Variants in MEAK7 observed in about 807,000 individuals in gnomAD.
The protein encoded by MEAK7 is MTOR associated protein MEAK7, also known as MTOR-associated protein MEAK7.
Under a neutral mutation model 40.5 loss-of-function variants are expected in MEAK7, and 68 were observed. The observed-to-expected ratio is 1.68, with a 90% CI of 1.38 to 2.06. The LOEUF (loss-of-function observed/expected upper bound fraction) is 2.06, where lower values mean the gene tolerates loss of function less well. Among genes scored for constraint, MEAK7 ranks in the 30% most tolerant of loss-of-function variants. The pLI, the probability that MEAK7 is intolerant of heterozygous loss-of-function variation, is 0.00. For synonymous variants in MEAK7, 338 were observed against 231.9 expected (o/e 1.46, Z -4.16); for missense variants, 918 against 580.5 (o/e 1.58, Z -5.98).
At chr16:84,498,536 A>T (rs1349792193) in intron 1 of MEAK7, among the ~76,000 whole-genome samples, 1 of 152,048 alleles carries the variant, frequency 6.6e-6, no homozygotes, top group African/African-American at 2.4e-5. Context: ...CAGCCTCCCA[A>T]AGTGTTGGGA....
intron 2 of MEAK7, among the ~76,000 whole-genome samples, chr16:84,496,227 G>C (rs1446260433): frequency 6.6e-6 from 1 of 152,138 alleles, no homozygotes; most frequent in African/African-American, 2.4e-5. Context: ...AACATCCATG[G>C]TGCCCTGCAT....
intron 3 of MEAK7, among the ~76,000 whole-genome samples, chr16:84,490,876 C>G (rs1913538178): frequency 6.6e-6 from 1 of 152,032 alleles, no homozygotes; most frequent in African/African-American, 2.4e-5. Flanking sequence ...TCTGGGATTC[C>G]TTAAAGAAAA....
chr16:84,489,347 C>A lies in MEAK7; in HGVS notation c.460G>T (p.Glu154Ter). 6.2e-7 allele frequency: 1 copy of A among 1,614,218 alleles called. No individual in the cohort carries two copies. The highest frequency in any genetic ancestry group is 8.5e-7 in the Non-Finnish European group (1 of 1,180,034). The change falls in exon 4 of 8, where the codon GAA becomes TAA. Residue 154 changes from glutamate (E) to a stop codon, truncating the protein, a stop_gained. Coordinates refer to ENST00000343629, the MANE Select transcript of MEAK7 (RefSeq NM_020947.4). LOFTEE classifies it high-confidence loss of function. Reference sequence around the variant, plus strand: ...ACCCGGGGGTTGGGCCCTGGGGCTTCCTTCCCAGTCCAGCCTCTCAGCTCC... The same window carrying A: ...ACCCGGGGGTTGGGCCCTGGGGCTTACTTCCCAGTCCAGCCTCTCAGCTCC... Reference protein sequence around the residue: ...RQELRGWTGKEAPGPNPRVQV... With the variant: ...RQELRGWTGK
rs149675680 is a variant in MEAK7 at position 84,478,558 on chromosome 16, T to G, written c.*1355A>C. ...AAAAGACAAAAGGAAGAGGTATATA[T>G]CTTAGAGACAAGCTCACAGCACCTT... On this transcript the variant is annotated 3_prime_UTR_variant, in exon 8 of 8. Transcript: ENST00000343629. The G allele has an allele frequency of 4.3e-4, 66 of 152,330 alleles. No individual in the cohort carries two copies. Among genetic ancestry groups the G allele is most frequent in the Admixed American group, 9.1e-4 (14 of 15,306 alleles). 9.4% of individuals were successfully genotyped at this position (152,330 alleles called of 1,614,324 possible).
At position 84,477,231 on chromosome 16, in the gene MEAK7, G is replaced by T. The variant is rs1451408336; in HGVS notation, c.*2682C>A. On this transcript the variant is annotated 3_prime_UTR_variant, in exon 8 of 8. Coordinates refer to ENST00000343629, the MANE Select transcript of MEAK7 (RefSeq NM_020947.4). ...CTTGAAACGGAGTTTCACTCTTGTT[G>T]CCCAGGCTAGAGTGCAATGGCACGA... 6.7e-6 allele frequency: 1 copy of T among 149,800 alleles called. No homozygotes were observed. The highest frequency in any genetic ancestry group is 2.1e-4 in the South Asian group (1 of 4,744). 9.3% of individuals were successfully genotyped at this position (149,800 alleles called of 1,614,324 possible).
chr16:84,501,170 G>C (rs1260782603), intron 1 of MEAK7, among the ~76,000 whole-genome samples: 1 of 152,046 alleles, frequency 6.6e-6, no homozygotes, highest in African/African-American at 2.4e-5. Flanking sequence ...GTGGCCTGGG[G>C]GTGTAACAAG....
intron 5 of MEAK7, among the ~76,000 whole-genome samples, chr16:84,485,596 C>A (rs1912963215): frequency 6.6e-6 from 1 of 152,240 alleles, no homozygotes; most frequent in Non-Finnish European, 1.5e-5. Flanking sequence ...GGACAGCCCA[C>A]TGATGGGCGA....
chr16:84,488,459 T>C (rs1913284979), intron 4 of MEAK7: 1 of 152,164 alleles, frequency 6.6e-6, no homozygotes, highest in Admixed American at 6.5e-5. Flanking sequence ...TTTAAATATA[T>C]ACTGCTTCTC....
intron 1 of MEAK7, among the ~76,000 whole-genome samples, 179 bp from the exon 2 acceptor site, chr16:84,498,290 G>C (rs1436068648): frequency 1.3e-5 from 2 of 152,110 alleles, no homozygotes; most frequent in Admixed American, 1.3e-4. Context: ...TGTTGCTGAG[G>C]TGGGATCTCA....
rs575235241 is a variant in MEAK7, at chr16:84,482,806, G to C, written c.959-96C>G. 7.9e-5 allele frequency: 122 copies of C among 1,540,574 alleles called. No homozygotes were observed. The African/African-American group carries it at 1.4e-3, about 17-fold the overall frequency. The stretch of plus-strand genomic sequence containing the variant: ...GTAAGCTGCAGCTCAGGAAGCAACA[G>C]GGCCAAGACCCTTCTCACCCATGTC... On this transcript the variant is annotated intron_variant, in intron 5 of 7. Coordinates refer to ENST00000343629, the MANE Select transcript of MEAK7 (RefSeq NM_020947.4).
rs35489449 is a variant in MEAK7 at position 84,490,654 on chromosome 16, ATGTGTGTGTG to A, written c.385-1242_385-1233del. Among the ~76,000 whole-genome samples, 1,391 of 137,602 alleles carry A rather than the reference ATGTGTGTGTG, an allele frequency of 0.01. 55 individuals carry two copies. The East Asian group carries it at 0.1, about 10-fold the overall frequency. The allele number at this position is 137,602 out of a possible 152,430, so 90.3% of individuals were successfully genotyped here. A position where few individuals can be genotyped will look rare whatever the true frequency, so the allele number is the denominator to read the frequency against. On this transcript the variant is annotated intron_variant, in intron 3 of 7. Coordinates refer to ENST00000343629, the MANE Select transcript of MEAK7 (RefSeq NM_020947.4). ...TCAGCTTAATTAAAAGCTAATCAAG[ATGTGTGTGTG>A]TGTGTGTGTGTGTGTGTGTGTGTGT... is the stretch of plus-strand genomic sequence containing the variant.
At chr16:84,490,344 G>C (rs771361681) in intron 3 of MEAK7, among the ~76,000 whole-genome samples, 2 of 150,384 alleles carry the variant, frequency 1.3e-5, no homozygotes, top group African/African-American at 2.4e-5. Context: ...TGACTGCCTT[G>C]AGGGGCTTTA....
At chr16:84,483,517 G>C (rs951349371) in intron 5 of MEAK7, among the ~76,000 whole-genome samples, 1 of 152,230 alleles carries the variant, frequency 6.6e-6, no homozygotes, top group South Asian at 2.1e-4. Context: ...TTTGGGGTTG[G>C]GCTATTCATC....
In MEAK7 at chr16:84,489,304, T is replaced by C. The variant is rs769113750; in HGVS notation, c.503A>G (p.Gln168Arg). The change falls in exon 4 of 8, where the codon CAG (glutamine) becomes CGG (arginine). Residue 168 changes from glutamine (Q) to arginine (R), a missense_variant. By Grantham distance (43) the Gln-to-Arg change is conservative (BLOSUM62 1). Coordinates refer to ENST00000343629, the MANE Select transcript of MEAK7 (RefSeq NM_020947.4). ...PNPRVQVLAA[Q>R]LLSDMKLQDG... is the part of the protein sequence containing the mutation. ...TTGCAGCTTCATGTCAGAGAGCAGC[T>C]GAGCAGCCAGCACCTGCACCCGGGG... 6 of 1,614,038 alleles carry C rather than the reference T, an allele frequency of 3.7e-6. No individual in the cohort carries two copies. Among genetic ancestry groups the C allele is most frequent in the Non-Finnish European group, 4.2e-6 (5 of 1,180,014 alleles).
At chr16:84,480,316 C>A (rs534042856) in intron 7 of MEAK7, among the ~76,000 whole-genome samples, 1 of 152,136 alleles carries the variant, frequency 6.6e-6, no homozygotes, top group African/African-American at 2.4e-5. Flanking sequence ...GGGGAACCCC[C>A]CTTCCCAGGG....
At chr16:84,493,352 A>G (rs905242837) in intron 3 of MEAK7, among the ~76,000 whole-genome samples, 2 of 152,196 alleles carry the variant, frequency 1.3e-5, no homozygotes, top group African/African-American at 2.4e-5. Flanking sequence ...ATCGGTTCCG[A>G]TAACTTCAGA....
At chr16:84,497,186 G>C in intron 2 of MEAK7, 1 of 331,392 alleles carries the variant, frequency 3.0e-6, no homozygotes, top group Non-Finnish European at 5.9e-6. Flanking sequence ...TTCTAGAAGA[G>C]GGAGGAGGCT....
At position 84,497,966 on chromosome 16, in the gene MEAK7, A is replaced by G. The variant is rs758938576; in HGVS notation, c.121T>C (p.Ser41Pro). 40 of 1,614,076 alleles carry G rather than the reference A, an allele frequency of 2.5e-5. No individual in the cohort carries two copies. In the South Asian group the frequency reaches 4.3e-4, roughly 17 times the overall value. ...GCCTTCAGAGAGAAGGATTTGGATGAGACATTCGGGCTGTTTTTATCTGAT... is the reference window on the plus strand; with the variant it reads ...GCCTTCAGAGAGAAGGATTTGGATGGGACATTCGGGCTGTTTTTATCTGAT... ...LSSDKNSPNV[S>P]SKSFSLKALQ... Residue 41 changes from serine to proline, a missense_variant, in exon 2 of 8, where the codon TCA (serine) becomes CCA (proline). Coordinates refer to ENST00000343629, the MANE Select transcript of MEAK7 (RefSeq NM_020947.4).
intron 5 of MEAK7, among the ~76,000 whole-genome samples, chr16:84,484,249 C>G (rs1209709765): frequency 6.6e-6 from 1 of 152,188 alleles, no homozygotes; most frequent in Non-Finnish European, 1.5e-5. Context: ...AGGGCAAGGA[C>G]CTGATGAGTT....
Sources: gnomAD v4.1 joint callset for allele counts (sites outside exome capture counted in the v4.1 genomes callset) on GRCh38, gnomAD v4.1.1 for gene constraint, MANE v1.5 for transcripts, NCBI Gene and HGNC (gene_info 2026-07-23, HGNC 2026-07-21) for gene names.